ZNF483: variants seen among roughly 807,000 people sequenced by gnomAD.
ZNF483 encodes the protein zinc finger protein 483.
ZNF483 carries 9 observed loss-of-function variants against 28.6 expected under a neutral mutation model. That is an observed-to-expected ratio of 0.32 (90% CI 0.19 to 0.55). ZNF483 has a LOEUF of 0.55. Among genes scored for constraint, ZNF483 ranks in the 20% least tolerant of loss-of-function variants. The probability of loss-of-function intolerance (pLI) is 0.93; values close to 1 mark genes in which losing one functional copy is unlikely to be tolerated. For missense variants in ZNF483, 675 were observed against 871.7 expected (o/e 0.77, Z 2.84); for synonymous variants, 322 against 306.2 (o/e 1.05, Z -0.54).
intron 5 of ZNF483, among the ~76,000 whole-genome samples, chr9:111,575,990 C>CA (rs113507485): frequency 0.069 from 10,202 of 147,430 alleles, 587 homozygotes; most frequent in African/African-American, 0.15. Context: ...TCCATCTCTA[C>CA]AAAAAAAAAA....
chr9:111,529,401 G>C (rs569164893), intron 2 of ZNF483, among the ~76,000 whole-genome samples: 19 of 152,312 alleles, frequency 1.2e-4, no homozygotes, highest in African/African-American at 4.3e-4. Flanking sequence ...ATCACTCATA[G>C]GCAGTATGCC....
At chr9:111,527,966 AAGCTGTGT>A in intron 2 of ZNF483, 159 bp downstream of exon 2, 1 of 1,522,940 alleles carries the variant, frequency 6.6e-7, no homozygotes, top group Non-Finnish European at 8.8e-7. Context: ...GATTTTGGGC[AAGCTGTGT>A]AAACTCTCAG....
Position 111,533,796 on chromosome 9 carries a change from C to T in ZNF483, c.559C>T (p.Leu187=). The T allele has an allele frequency of 1.3e-6, 2 of 1,589,856 alleles. No individual in the cohort carries two copies. Among genetic ancestry groups the T allele is most frequent in the Non-Finnish European group, 1.7e-6 (2 of 1,173,024 alleles). ...VNFSRGEWKK[L]EPFQKELYKE... is the part of the protein sequence containing the mutation. Reference sequence around the variant, plus strand: ...CTTTTCAAGAGGAGAGTGGAAGAAGCTGGAGCCTTTTCAAAAGGAGCTATA... The same window carrying T: ...CTTTTCAAGAGGAGAGTGGAAGAAGTTGGAGCCTTTTCAAAAGGAGCTATA... The change falls in exon 4 of 6, where the codon CTG becomes TTG. Residue 187 remains leucine, a synonymous_variant. Transcript: ENST00000309235.
intron 5 of ZNF483, chr9:111,562,918 G>A: frequency 2.2e-6 from 3 of 1,360,696 alleles, no homozygotes; most frequent in Non-Finnish European, 2.9e-6. Flanking sequence ...AGTGAACAGT[G>A]AGGTGACTGG....
chr9:111,532,373 G>C (rs1827369980), intron 3 of ZNF483, among the ~76,000 whole-genome samples: 1 of 152,060 alleles, frequency 6.6e-6, no homozygotes, highest in Admixed American at 6.6e-5. Flanking sequence ...GGATTATATA[G>C]GTGGGCCTTA....
intron 5 of ZNF483, among the ~76,000 whole-genome samples, chr9:111,571,785 T>G (rs76851613): frequency 0.067 from 10,218 of 152,212 alleles, 590 homozygotes; most frequent in African/African-American, 0.15. Context: ...ATTACAGGCA[T>G]AAGCCACTGC....
chr9:111,573,444 C>G (rs914055260), intron 5 of ZNF483, among the ~76,000 whole-genome samples: 27 of 152,288 alleles, frequency 1.8e-4, no homozygotes, highest in African/African-American at 6.0e-4. Flanking sequence ...TGGTGGTTAA[C>G]CAGTGGGGCT....
intron 5 of ZNF483, chr9:111,570,335 CCTCA>C: frequency 1.4e-6 from 2 of 1,417,426 alleles, no homozygotes; most frequent in South Asian, 3.0e-5. Context: ...CCTTCCATTT[CCTCA>C]CTCCTTTCTG....
chr9:111,561,225 T>C (rs765094279), intron 5 of ZNF483, among the ~76,000 whole-genome samples: 2 of 150,682 alleles, frequency 1.3e-5, no homozygotes, highest in Non-Finnish European at 3.0e-5. Context: ...CCTTTCCATA[T>C]GTTCAAGTCT....
Position 111,543,053 on chromosome 9 carries a change from T to G in ZNF483, c.2118T>G (p.Leu706=). The G allele has an allele frequency of 6.2e-7, 1 of 1,614,140 alleles. No individual in the cohort carries two copies. Among genetic ancestry groups the G allele is most frequent in the Non-Finnish European group, 8.5e-7 (1 of 1,180,016 alleles). The change falls in exon 6 of 6, where the codon CTT becomes CTG. Residue 706 remains leucine, a synonymous_variant. Transcript: ENST00000309235. ...CAACCTTTAGTCGAAGCTCAATCCT[T>G]GTAGAACACCTAAAAATTCATACCG... ...CGATFSRSSI[L]VEHLKIHTGR... is the part of the protein sequence containing the mutation.
intron 5 of ZNF483, chr9:111,574,987 G>T: frequency 1.6e-6 from 1 of 622,556 alleles, no homozygotes. Flanking sequence ...GAAGACTGCA[G>T]TTAGAAAAAG....
chr9:111,576,380 T>C (rs762468847), exon 6 of ZNF483: 2 of 1,614,116 alleles, frequency 1.2e-6, no homozygotes, highest in South Asian at 1.1e-5. Context: ...CATGGAGCAG[T>C]AAAAAAGATG....
intron 3 of ZNF483, among the ~76,000 whole-genome samples, chr9:111,531,901 C>G (rs1827356642): frequency 6.6e-6 from 1 of 152,222 alleles, no homozygotes; most frequent in Non-Finnish European, 1.5e-5. Flanking sequence ...CCAGGCCAGT[C>G]TTGAACTCCT....
At chr9:111,560,759 T>C (rs1278886693) in intron 5 of ZNF483, among the ~76,000 whole-genome samples, 1 of 145,502 alleles carries the variant, frequency 6.9e-6, no homozygotes, top group Non-Finnish European at 1.5e-5. Context: ...CTGACCAACA[T>C]GGTGAAACCC....
rs138428453 is a variant in ZNF483, at chr9:111,561,448, T to C, written c.722-14917T>C. 5.9e-5 allele frequency among the ~76,000 whole-genome samples: 9 copies of C among 151,906 alleles called. No homozygotes were observed. In the East Asian group the frequency reaches 1.7e-3, roughly 30 times the overall value. ...ACACCATGCCCAGCTAATTTGAAAA[T>C]TTTTTGCAGATGTGGGGTATTGTCC... On this transcript the variant is annotated intron_variant, in intron 5 of 5. Coordinates refer to the ZNF483 transcript ENST00000358151.
chr9:111,530,798 T>TATAC (rs540871353), intron 2 of ZNF483, 77 bp from the exon 3 acceptor site: 196 of 55,024 alleles, frequency 3.6e-3, no homozygotes, highest in African/African-American at 0.016. Flanking sequence ...TATATATATA[T>TATAC]ATACATATAT....
rs1458936224 is a variant in ZNF483 at position 111,546,141 on chromosome 9, T to C, written c.*2971T>C. On this transcript the variant is annotated 3_prime_UTR_variant, in exon 6 of 6. Coordinates refer to ENST00000309235, the MANE Select transcript of ZNF483 (RefSeq NM_133464.5). The stretch of plus-strand genomic sequence containing the variant: ...TCCTTTGTGGTTTTAACTTTGATTT[T>C]CCTGATGGCGAATAATGTCAAAGCA... Among the ~76,000 whole-genome samples, 2 of 152,222 alleles carry C rather than the reference T, an allele frequency of 1.3e-5. No individual in the cohort carries two copies. The highest frequency in any genetic ancestry group is 4.8e-5 in the African/African-American group (2 of 41,470).
chr9:111,543,930 T>C lies in ZNF483; in HGVS notation c.*760T>C, dbSNP rs1219129453. On this transcript the variant is annotated 3_prime_UTR_variant, in exon 6 of 6. Transcript: ENST00000309235. ...CCATCAAGCCTGGTTCCTAGGATGC[T>C]GGACTTCTAGCTTAGTGAGAATGCA... 59 of 985,418 alleles carry C rather than the reference T, an allele frequency of 6.0e-5. No homozygotes were observed. Among genetic ancestry groups the C allele is most frequent in the Non-Finnish European group, 7.1e-5 (59 of 829,942 alleles). The allele number at this position is 985,418 out of a possible 1,614,324, so 61.0% of individuals were successfully genotyped here.
rs73656261 is a variant in ZNF483, at chr9:111,545,131, G to A, written c.*1961G>A. On this transcript the variant is annotated 3_prime_UTR_variant, in exon 6 of 6. Transcript: ENST00000309235. ...ATATTGCCGTGTGATAAATTGGTCC[G>A]CATAGTTATTGCTAAGCAGACCAAC... is the stretch of plus-strand genomic sequence containing the variant. Among the ~76,000 whole-genome samples, 12,415 of 152,158 alleles carry A rather than the reference G, an allele frequency of 0.082. 556 individuals carry two copies. The highest frequency in any genetic ancestry group is 0.15 in the East Asian group (765 of 5,180).
Sources: allele counts gnomAD v4.1 joint callset (sites outside exome capture counted in the v4.1 genomes callset), GRCh38; gene constraint gnomAD v4.1.1; transcripts MANE v1.5; gene names NCBI Gene and HGNC (gene_info 2026-07-23, HGNC 2026-07-21).